Variants in EHBP1L1 observed in about 807,000 individuals in gnomAD.
EHBP1L1 encodes the protein EH domain binding protein 1 like 1.
In EHBP1L1, 122 loss-of-function variants were observed where a neutral mutation model predicts 151.1. That is an observed-to-expected ratio of 0.81 (90% CI 0.70 to 0.94). EHBP1L1 has a LOEUF of 0.94. Among genes scored for constraint, EHBP1L1 ranks in the 40% least tolerant of loss-of-function variants. The pLI, the probability that EHBP1L1 is intolerant of heterozygous loss-of-function variation, is 0.00. For missense variants in EHBP1L1, 1,941 were observed against 1,959.8 expected (o/e 0.99, Z 0.18); for synonymous variants, 878 against 810.1 (o/e 1.08, Z -1.42).
Position 65,576,292 on chromosome 11 carries a change from T to C in EHBP1L1, c.-11T>C, listed in dbSNP as rs2135208971. 6.4e-7 allele frequency: 1 copy of C among 1,571,472 alleles called. No individual in the cohort carries two copies. Among genetic ancestry groups the C allele is most frequent in the East Asian group, 2.4e-5 (1 of 42,496 alleles). ...CGGGCCTGAGAAGTGGGCGGCGGGG[T>C]GGCGGGGGCCATGACCTCGGTGTGG... On this transcript the variant is annotated 5_prime_UTR_variant, in exon 1 of 19. Coordinates refer to ENST00000309295, the MANE Select transcript of EHBP1L1 (RefSeq NM_001099409.3).
rs771483078 is a variant in EHBP1L1 at position 65,583,772 on chromosome 11, A to G, written c.3093+7A>G. The G allele has an allele frequency of 4.8e-6, 7 of 1,471,088 alleles. No homozygotes were observed. Among genetic ancestry groups the G allele is most frequent in the Admixed American group, 2.7e-5 (1 of 37,044 alleles). 91.1% of individuals were successfully genotyped at this position (1,471,088 alleles called of 1,614,324 possible). ...GAGGCTGCCGGGCAGCCAGGTAGGG[A>G]TGGGGGCCGCCGAGGGCCCAGTCTG... On this transcript the variant is annotated splice_region_variant and intron_variant, in intron 9 of 18. Coordinates refer to ENST00000309295, the MANE Select transcript of EHBP1L1 (RefSeq NM_001099409.3).
chr11:65,580,576 G>A, intron 6 of EHBP1L1, 97 bp downstream of exon 6: 2 of 1,502,458 alleles, frequency 1.3e-6, no homozygotes, highest in Non-Finnish European at 1.8e-6. Flanking sequence ...CCTGTGATGG[G>A]AACTCATTAC....
chr11:65,587,015 C>T (rs1304546120), intron 12 of EHBP1L1, among the ~76,000 whole-genome samples: 1 of 152,192 alleles, frequency 6.6e-6, no homozygotes, highest in Admixed American at 6.5e-5. Context: ...CTGGCCTGGC[C>T]CGGCCCTTGG....
chr11:65,591,727 C>T, intron 16 of EHBP1L1, 73 bp from the exon 17 acceptor site: 1 of 1,274,346 alleles, frequency 7.8e-7, no homozygotes, highest in East Asian at 2.5e-5. Flanking sequence ...GGCCAGAGCC[C>T]TGGGCACTCT....
chr11:65,582,372 C>T lies in EHBP1L1; in HGVS notation c.1700C>T (p.Ser567Leu), dbSNP rs1857662210. The T allele has an allele frequency of 6.3e-7, 1 of 1,593,390 alleles. No homozygotes were observed. Among genetic ancestry groups the T allele is most frequent in the Non-Finnish European group, 8.5e-7 (1 of 1,170,992 alleles). ...GGCTGGGAGGCAGAAGCTGGGGGTT[C>T]AGGGGACCTGGAAACAGAGACTGAG... ...LGGWEAEAGG[S>L]GDLETETEVV... The change falls in exon 9 of 19, where the codon TCA (serine) becomes TTA (leucine). Residue 567 changes from serine to leucine, a missense_variant. Ser to Leu is a moderately radical substitution (Grantham distance 145, BLOSUM62 -2). Coordinates refer to ENST00000309295, the MANE Select transcript of EHBP1L1 (RefSeq NM_001099409.3).
At chr11:65,590,340 A>G in intron 15 of EHBP1L1, 130 bp downstream of exon 15, 8 of 1,511,428 alleles carry the variant, frequency 5.3e-6, no homozygotes, top group Non-Finnish European at 5.3e-6. Flanking sequence ...TTTTACAGCC[A>G]GGCATGCTGA....
Position 65,581,244 on chromosome 11 carries a change from C to T in EHBP1L1, c.737C>T (p.Pro246Leu). 7 of 1,611,388 alleles carry T rather than the reference C, an allele frequency of 4.3e-6. No homozygotes were observed. The highest frequency in any genetic ancestry group is 5.9e-6 in the Non-Finnish European group (7 of 1,179,168). ...ASPSNAEDTS[P>L]APVSAPAPPA... ...CCTTCTAATGCTGAGGATACCAGCC[C>T]AGCCCCTGTGAGTGCTCCTGCACCC... The change falls in exon 8 of 19, where the codon CCA becomes CTA. Residue 246 changes from proline (P) to leucine (L), a missense_variant. Physicochemically the swap from Pro to Leu is moderately conservative, Grantham distance 98. Transcript: ENST00000309295.
intron 1 of EHBP1L1, among the ~76,000 whole-genome samples, chr11:65,576,940 G>A (rs1857358607): frequency 6.6e-6 from 1 of 152,034 alleles, no homozygotes; most frequent in African/African-American, 2.4e-5. Context: ...GTCCTTAAAA[G>A]GGGAAACTGA....
chr11:65,585,470 A>G lies in EHBP1L1; in HGVS notation c.3812A>G (p.His1271Arg), dbSNP rs1185869902. The G allele has an allele frequency of 6.5e-7, 1 of 1,535,060 alleles. No individual in the cohort carries two copies. Among genetic ancestry groups the G allele is most frequent in the Non-Finnish European group, 8.7e-7 (1 of 1,146,406 alleles). ...GGGTCGGTGCCCCCGCCCCGCGCGC[A>G]CGGCTCCTTCTCCCACGTGCGCGAC... is the stretch of plus-strand genomic sequence containing the variant. ...EPGSVPPPRA[H>R]GSFSHVRDAD... is the part of the protein sequence containing the mutation. The change falls in exon 12 of 19, where the codon CAC (histidine) becomes CGC (arginine). Residue 1271 changes from histidine to arginine, a missense_variant. His to Arg is a conservative substitution (Grantham distance 29). Coordinates refer to ENST00000309295, the MANE Select transcript of EHBP1L1 (RefSeq NM_001099409.3). This position sits in a 1 kb window ranked among gnomAD's most constrained non-coding sequence, Gnocchi z 4.0.
chr11:65,584,041 A>G, intron 9 of EHBP1L1, 200 bp from the exon 10 acceptor site: 1 of 1,414,450 alleles, frequency 7.1e-7, no homozygotes, highest in South Asian at 1.7e-5. Context: ...TCTGGGGGCC[A>G]CTGACCTTTT....
rs957804475 is a variant in EHBP1L1, at chr11:65,585,242, A to AG, written c.3586dup (p.Ala1196GlyfsTer122). The AG allele has an allele frequency of 4.5e-6, 5 of 1,121,090 alleles. No homozygotes were observed. The highest frequency in any genetic ancestry group is 1.7e-5 in the African/African-American group (1 of 58,926). 69.4% of individuals were successfully genotyped at this position (1,121,090 alleles called of 1,614,324 possible). On this transcript the variant is annotated frameshift_variant, in exon 12 of 19. Transcript: ENST00000309295. LOFTEE classifies it high-confidence loss of function. The surrounding 1 kb of genome is among the most constrained non-coding windows in gnomAD (Gnocchi z 4.0). ...GCCGAGGGGCCCCAGGAGCCCAAGG[A>AG]GGCCGCAGACCGCGCAGACGGGGCG...
At chr11:65,579,305 TTA>T (rs1317662507) in intron 2 of EHBP1L1, 34 bp from the exon 3 acceptor site, 1 of 1,503,620 alleles carries the variant, frequency 6.7e-7, no homozygotes, top group African/African-American at 1.4e-5. Context: ...GAGGGAAGAG[TTA>T]AGATGGGGGG....
rs913537293 is a variant in EHBP1L1 at position 65,585,031 on chromosome 11, C to T, written c.3373C>T (p.Pro1125Ser). Reference sequence around the variant, plus strand: ...CGCGGACATGGTGCTACTGTCGGTGCCCGACAAGCTCATCGTCATGACGTA... The same window carrying T: ...CGCGGACATGGTGCTACTGTCGGTGTCCGACAAGCTCATCGTCATGACGTA... The part of the protein sequence containing the change: ...EPADMVLLSV[P>S]DKLIVMTYLC... Residue 1125 changes from proline to serine, a missense_variant, in exon 12 of 19, where the codon CCC (proline) becomes TCC (serine). Pro to Ser is a moderately conservative substitution (Grantham distance 74). Transcript: ENST00000309295. This position sits in a 1 kb window ranked among gnomAD's most constrained non-coding sequence, Gnocchi z 4.0. The T allele has an allele frequency of 6.5e-7, 1 of 1,537,142 alleles. No individual in the cohort carries two copies.
chr11:65,592,019 A>G lies in EHBP1L1; in HGVS notation c.4401A>G (p.Leu1467=), dbSNP rs776333129. Residue 1467 remains leucine, a synonymous_variant, in exon 18 of 19, where the codon CTA becomes CTG. Coordinates refer to ENST00000309295, the MANE Select transcript of EHBP1L1 (RefSeq NM_001099409.3). ...CTCAGCAGCACCGAGAGCAGCTCCT[A>G]CTGGAGGAGCTGGTGTCGCTGGTGA... ...TSAQQHREQL[L]LEELVSLVNQ... The G allele has an allele frequency of 1.9e-6, 3 of 1,613,202 alleles. No individual in the cohort carries two copies. Among genetic ancestry groups the G allele is most frequent in the East Asian group, 2.2e-5 (1 of 44,874 alleles).
Position 65,581,971 on chromosome 11 carries a change from A to G in EHBP1L1, c.1299A>G (p.Arg433=). ...QVDAEQRSKV[R]HVDTKGPEAT... ...ATGCTGAGCAGAGGTCAAAGGTGAG[A>G]CATGTGGACACTAAGGGACCAGAGG... Residue 433 remains arginine (R), a synonymous_variant, in exon 9 of 19, where the codon AGA becomes AGG. Coordinates refer to ENST00000309295, the MANE Select transcript of EHBP1L1 (RefSeq NM_001099409.3). 1 of 1,613,830 alleles carries G rather than the reference A, an allele frequency of 6.2e-7. No homozygotes were observed. The highest frequency in any genetic ancestry group is 8.5e-7 in the Non-Finnish European group (1 of 1,179,848).
At chr11:65,589,183 T>A (rs1858127099) in intron 12 of EHBP1L1, among the ~76,000 whole-genome samples, 1 of 152,120 alleles carries the variant, frequency 6.6e-6, no homozygotes, top group South Asian at 2.1e-4. Flanking sequence ...AGTGAGCAGA[T>A]CACCTGAGGT....
In EHBP1L1 at chr11:65,584,491, A is replaced by G. The variant is rs34705071; in HGVS notation, c.3257A>G (p.Tyr1086Cys). 38 of 1,613,024 alleles carry G rather than the reference A, an allele frequency of 2.4e-5. No individual in the cohort carries two copies. Among genetic ancestry groups the G allele is most frequent in the Non-Finnish European group, 2.9e-5 (34 of 1,179,756 alleles). Residue 1086 changes from tyrosine (Y) to cysteine (C), a missense_variant, in exon 11 of 19, where the codon TAT becomes TGT. Coordinates refer to ENST00000309295, the MANE Select transcript of EHBP1L1 (RefSeq NM_001099409.3). ...LHRFYPDKID[Y>C]ASLDPLNIKQ... The stretch of plus-strand genomic sequence containing the variant: ...GACCAGCACACTCTCTGCAGTGACT[A>G]TGCCTCGCTAGACCCACTCAACATC...
intron 15 of EHBP1L1, 36 bp from the exon 16 acceptor site, chr11:65,590,456 AG>A (rs1565133816): frequency 1.9e-6 from 3 of 1,602,850 alleles, no homozygotes; most frequent in South Asian, 1.1e-5. Context: ...GACACGGGGC[AG>A]GGGGCAGGCC....
chr11:65,587,253 G>C (rs770511063), intron 12 of EHBP1L1, among the ~76,000 whole-genome samples: 8 of 152,122 alleles, frequency 5.3e-5, no homozygotes, highest in Non-Finnish European at 1.2e-4. Context: ...CAGGCCTGTA[G>C]TCCCAGCTAC....
Sources: gnomAD v4.1 joint callset for allele counts (sites outside exome capture counted in the v4.1 genomes callset) on GRCh38, gnomAD v4.1.1 for gene constraint, Gnocchi (gnomAD v3.1) non-coding constraint, MANE v1.5 for transcripts, NCBI Gene and HGNC (gene_info 2026-07-23, HGNC 2026-07-21) for gene names.